SBF2: variants seen among roughly 807,000 people sequenced by gnomAD.
SBF2 encodes the protein myotubularin-related protein 13.
Under a neutral mutation model 225.2 loss-of-function variants are expected in SBF2, and 112 were observed. The ratio of observed to expected loss-of-function variants is 0.50; its 90% CI spans 0.43 to 0.58. The LOEUF (loss-of-function observed/expected upper bound fraction) is 0.58. SBF2 is among the 20% of genes least tolerant of loss of function. The pLI is 0.00. For synonymous variants in SBF2, 763 were observed against 773.3 expected, an observed-to-expected ratio of 0.99 and a Z score of 0.22; for missense variants, 1,996 against 2,206.2, an observed-to-expected ratio of 0.90 and a Z score of 1.91.
At position 10,294,173 on chromosome 11, in the gene SBF2, C is replaced by A. The variant is rs1964364502; in HGVS notation, c.-104G>T. The A allele has an allele frequency of 3.6e-6, 3 of 839,674 alleles. No individual in the cohort carries two copies. Among genetic ancestry groups the A allele is most frequent in the East Asian group, 7.1e-5 (2 of 28,218 alleles). 52.0% of individuals were successfully genotyped at this position (839,674 alleles called of 1,614,324 possible). Reference sequence around the variant, plus strand: ...AGCATTTTCCCTGCAGCGGCAGTAGCGGCAGCGGCAGCGCTTCAGCCATGT... The same window carrying A: ...AGCATTTTCCCTGCAGCGGCAGTAGAGGCAGCGGCAGCGCTTCAGCCATGT... On this transcript the variant is annotated 5_prime_UTR_variant, in exon 1 of 40. Coordinates refer to ENST00000256190, the MANE Select transcript of SBF2 (RefSeq NM_030962.4).
chr11:10,288,702 T>C (rs1260201080), intron 1 of SBF2, among the ~76,000 whole-genome samples: 1 of 152,134 alleles, frequency 6.6e-6, no homozygotes, highest in East Asian at 1.9e-4. Context: ...AGGCAGGTTG[T>C]CCCATCATCT....
intron 17 of SBF2, among the ~76,000 whole-genome samples, chr11:9,887,308 G>C (rs972618386): frequency 5.9e-5 from 9 of 151,908 alleles, no homozygotes; most frequent in Non-Finnish European, 1.3e-4. Context: ...TAGAGCTTCT[G>C]AGTAAATTGC....
At chr11:9,793,329 G>T (rs886427451) in intron 33 of SBF2, among the ~76,000 whole-genome samples, 1 of 152,028 alleles carries the variant, frequency 6.6e-6, no homozygotes, top group South Asian at 2.1e-4. Context: ...GGCTCTACCC[G>T]TGGGACCAGT....
chr11:9,956,804 A>G (rs1327920389), intron 16 of SBF2: 2 of 152,200 alleles, frequency 1.3e-5, no homozygotes. Flanking sequence ...TTACAAAAGA[A>G]AAAAATAACT....
intron 2 of SBF2, among the ~76,000 whole-genome samples, chr11:10,121,431 G>T (rs901242728): frequency 6.6e-6 from 1 of 152,124 alleles, no homozygotes; most frequent in Non-Finnish European, 1.5e-5. Flanking sequence ...TTCTCCCAGG[G>T]ACATTTATGT....
chr11:10,045,928 T>C (rs1183474216), intron 2 of SBF2, among the ~76,000 whole-genome samples: 1 of 152,010 alleles, frequency 6.6e-6, no homozygotes, highest in Non-Finnish European at 1.5e-5. Flanking sequence ...GGGTTCTACA[T>C]CTGTGGATTC....
chr11:9,800,618 AG>A (rs1743746793), intron 32 of SBF2, among the ~76,000 whole-genome samples: 2 of 151,922 alleles, frequency 1.3e-5, no homozygotes, highest in South Asian at 4.1e-4. Flanking sequence ...TGTGTTAGCC[AG>A]GATGGTCTCT....
At chr11:10,073,451 A>T (rs1358873176) in intron 2 of SBF2, among the ~76,000 whole-genome samples, 1 of 152,180 alleles carries the variant, frequency 6.6e-6, no homozygotes, top group Non-Finnish European at 1.5e-5. Flanking sequence ...AGTGGCTTGC[A>T]CCTGTAATCT....
intron 6 of SBF2, among the ~76,000 whole-genome samples, chr11:10,008,901 T>A (rs534880410): frequency 6.6e-6 from 1 of 152,354 alleles, no homozygotes; most frequent in East Asian, 1.9e-4. Context: ...TTACCTCTTT[T>A]CCTGGGCAAT....
chr11:9,976,742 ATTTCT>A (rs1281580433), intron 13 of SBF2, among the ~76,000 whole-genome samples: 5 of 150,962 alleles, frequency 3.3e-5, no homozygotes, highest in Admixed American at 1.3e-4. Context: ...TGTCCAACTG[ATTTCT>A]TTTCTTTTTT....
At chr11:10,163,475 C>T (rs924089356) in intron 2 of SBF2, among the ~76,000 whole-genome samples, 1 of 152,134 alleles carries the variant, frequency 6.6e-6, no homozygotes, top group Non-Finnish European at 1.5e-5. Flanking sequence ...TGAAAACATA[C>T]CCTAATAATG....
chr11:9,873,819 C>A (rs918710388), intron 17 of SBF2, among the ~76,000 whole-genome samples: 4 of 152,116 alleles, frequency 2.6e-5, no homozygotes, highest in Non-Finnish European at 4.4e-5. Flanking sequence ...GAGGCCGAGG[C>A]GGGTGGATCA....
At chr11:9,841,109 A>T (rs1030913057) in intron 25 of SBF2, among the ~76,000 whole-genome samples, 1 of 152,198 alleles carries the variant, frequency 6.6e-6, no homozygotes, top group Non-Finnish European at 1.5e-5. Flanking sequence ...TCTTTCATTA[A>T]AATATATTTT....
chr11:10,159,636 C>T (rs1212644179), intron 2 of SBF2, among the ~76,000 whole-genome samples: 1 of 152,176 alleles, frequency 6.6e-6, no homozygotes, highest in Non-Finnish European at 1.5e-5. Flanking sequence ...GGCATGGTGG[C>T]TCATGCTTGT....
intron 7 of SBF2, among the ~76,000 whole-genome samples, chr11:10,002,130 T>C (rs1947993639): frequency 6.6e-6 from 1 of 152,150 alleles, no homozygotes; most frequent in Non-Finnish European, 1.5e-5. Flanking sequence ...ACTTTTTTTC[T>C]CTCTACTGTA....
At chr11:9,923,554 C>T (rs1863797451) in intron 16 of SBF2, among the ~76,000 whole-genome samples, 1 of 152,164 alleles carries the variant, frequency 6.6e-6, no homozygotes, top group Non-Finnish European at 1.5e-5. Flanking sequence ...TTTGAGTAAG[C>T]AACCTTAAAG....
chr11:9,967,377 A>C (rs889351331), intron 14 of SBF2, among the ~76,000 whole-genome samples: 5 of 152,066 alleles, frequency 3.3e-5, no homozygotes, highest in African/African-American at 1.2e-4. Flanking sequence ...GTCTCAAAAA[A>C]AAAAAAAAAA....
chr11:10,162,905 T>C (rs1430044547), intron 2 of SBF2, among the ~76,000 whole-genome samples: 1 of 152,182 alleles, frequency 6.6e-6, no homozygotes, highest in East Asian at 1.9e-4. Context: ...CCCTTTCATC[T>C]GGAAATTTCC....
intron 16 of SBF2, among the ~76,000 whole-genome samples, chr11:9,898,469 A>G (rs1372483960): frequency 3.9e-5 from 6 of 152,112 alleles, no homozygotes; most frequent in Admixed American, 3.3e-4. Flanking sequence ...TCAGGAGTTC[A>G]AGACCAGCCT....
Sources: gnomAD v4.1 joint callset for allele counts (sites outside exome capture counted in the v4.1 genomes callset) on GRCh38, gnomAD v4.1.1 for gene constraint, MANE v1.5 for transcripts, NCBI Gene and HGNC (gene_info 2026-07-23, HGNC 2026-07-21) for gene names.